The following ZC3H7B variants were observed in gnomAD, a reference collection of about 807,000 sequenced individuals.
ZC3H7B encodes zinc finger CCCH domain-containing protein 7B.
ZC3H7B carries 35 observed loss-of-function variants against 116.0 expected under a neutral mutation model. That is an observed-to-expected ratio of 0.30 (90% CI 0.23 to 0.40). The LOEUF (loss-of-function observed/expected upper bound fraction) is 0.40, where lower values mean the gene tolerates loss of function less well. Among genes scored for constraint, ZC3H7B ranks in the 10% least tolerant of loss-of-function variants. The pLI is 1.00. For missense variants in ZC3H7B, 1,011 were observed against 1,321.5 expected, an observed-to-expected ratio of 0.77 and a Z score of 3.64; for synonymous variants, 502 against 545.6, an observed-to-expected ratio of 0.92 and a Z score of 1.11.
At position 41,349,251 on chromosome 22, in the gene ZC3H7B, TCGCCCACAG is replaced by T; in HGVS notation, c.1900_1908del (p.Ala634_Ser636del). On this transcript the variant is annotated inframe_deletion, in exon 16 of 23. Transcript: ENST00000352645. The surrounding 1 kb of genome is among the most constrained non-coding windows in gnomAD (Gnocchi z 4.9). ...TGCCTGCGGGAGGACAGCTGCCACTTCGCCCACAGCTTCATCGAGCTCAAGGTCTGGCTG... is the reference window on the plus strand; with the variant it reads ...TGCCTGCGGGAGGACAGCTGCCACTTCTTCATCGAGCTCAAGGTCTGGCTG... The T allele has an allele frequency of 6.2e-7, 1 of 1,613,750 alleles. No homozygotes were observed. The highest frequency in any genetic ancestry group is 1.1e-5 in the South Asian group (1 of 91,084).
At chr22:41,320,812 CT>C (rs1395852061) in intron 2 of ZC3H7B, 99 bp downstream of exon 2, 1 of 1,540,798 alleles carries the variant, frequency 6.5e-7, no homozygotes, top group Non-Finnish European at 8.9e-7. Flanking sequence ...GCTGCTGAGC[CT>C]TTGCTGCCAA....
rs12169443 is a variant in ZC3H7B, at chr22:41,358,024, A to G, written c.*595A>G. On this transcript the variant is annotated 3_prime_UTR_variant, in exon 23 of 23. Transcript: ENST00000352645. ...TGATCTTTGGAGCTTAAGGAGTCCC[A>G]GCCCTTTCTCTGATGCCACCACCTG... is the stretch of plus-strand genomic sequence containing the variant. The G allele has an allele frequency of 0.062, 9,580 of 155,416 alleles. 1,021 individuals are homozygous for G. The highest frequency in any genetic ancestry group is 0.22 in the African/African-American group (9,122 of 41,502). The allele number at this position is 155,416 out of a possible 1,614,324, so 9.6% of individuals were successfully genotyped here.
rs373667943 is a variant in ZC3H7B, at chr22:41,356,402, G to A, written c.2443G>A (p.Gly815Arg). 3 of 1,614,062 alleles carry A rather than the reference G, an allele frequency of 1.9e-6. No homozygotes were observed. Among genetic ancestry groups the A allele is most frequent in the South Asian group, 2.2e-5 (2 of 91,082 alleles). ...GAAAAAACACAACCCAGGAAAGCCT[G>A]GAGAAGGGACCCCCATCAGTTCTCG... Reference protein sequence around the residue: ...WLKKHNPGKPGEGTPISSREG... With the variant: ...WLKKHNPGKPREGTPISSREG... Residue 815 changes from glycine (G) to arginine (R), a missense_variant, in exon 21 of 23, where the codon GGA (glycine) becomes AGA (arginine). By Grantham distance (125) the Gly-to-Arg change is moderately radical. Coordinates refer to ENST00000352645, the MANE Select transcript of ZC3H7B (RefSeq NM_017590.6).
chr22:41,306,460 G>A (rs541705621), intron 1 of ZC3H7B, among the ~76,000 whole-genome samples: 3 of 146,644 alleles, frequency 2.0e-5, no homozygotes, highest in Non-Finnish European at 3.0e-5. Context: ...TGCAACCTCC[G>A]CCTCCCGGGT....
At chr22:41,318,557 G>A (rs2089696844) in intron 1 of ZC3H7B, among the ~76,000 whole-genome samples, 1 of 147,550 alleles carries the variant, frequency 6.8e-6, no homozygotes, top group Non-Finnish European at 1.5e-5. Flanking sequence ...AGACCAGCCT[G>A]GGCAACATAG....
In ZC3H7B at chr22:41,302,612, C is replaced by G. The variant is rs967441658; in HGVS notation, c.-7+840C>G. Among the ~76,000 whole-genome samples, 6 of 152,226 alleles carry G rather than the reference C, an allele frequency of 3.9e-5. No individual in the cohort carries two copies. The highest frequency in any genetic ancestry group is 1.2e-4 in the African/African-American group (5 of 41,470). The stretch of plus-strand genomic sequence containing the variant: ...TGCCCGCTGCGAACCTCAGGGCCCC[C>G]CTCCGGGTTTGCTCCCTCCTCCTTT... On this transcript the variant is annotated intron_variant, in intron 1 of 22. Transcript: ENST00000352645. This position sits in a 1 kb window ranked among gnomAD's most constrained non-coding sequence, Gnocchi z 5.7.
chr22:41,326,070 T>C (rs878887282), intron 4 of ZC3H7B, 152 bp downstream of exon 4: 3 of 926,252 alleles, frequency 3.2e-6, no homozygotes, highest in Admixed American at 5.5e-5. Flanking sequence ...CTCGTGGCTC[T>C]TAATCTCAAC....
rs141529622 is a variant in ZC3H7B at position 41,332,566 on chromosome 22, C to T, written c.582+339C>T. 279 of 277,694 alleles carry T rather than the reference C, an allele frequency of 1.0e-3. 3 individuals are homozygous for T. Among genetic ancestry groups the T allele is most frequent in the African/African-American group, 5.8e-3 (264 of 45,840 alleles). The allele number at this position is 277,694 out of a possible 1,614,324, so 17.2% of individuals were successfully genotyped here. A position where few individuals can be genotyped will look rare whatever the true frequency, so the allele number is the denominator to read the frequency against. On this transcript the variant is annotated intron_variant, in intron 7 of 22. Coordinates refer to ENST00000352645, the MANE Select transcript of ZC3H7B (RefSeq NM_017590.6). ...TCACCAGCCTTTCTGCAGGTTCAGG[C>T]CCCTGGGCCTCAAATGTCTTCCTCT...
At chr22:41,341,270 G>T (rs1374600382) in intron 11 of ZC3H7B, 124 bp downstream of exon 11, 2 of 1,155,106 alleles carry the variant, frequency 1.7e-6, no homozygotes, top group Admixed American at 2.2e-5. Flanking sequence ...GGCACTCCCA[G>T]AGTGGATGGA....
intron 7 of ZC3H7B, among the ~76,000 whole-genome samples, chr22:41,337,868 CTT>C (rs1350031585): frequency 4.3e-4 from 58 of 136,264 alleles, no homozygotes; most frequent in Non-Finnish European, 4.2e-4. Flanking sequence ...CGTGTGAGGG[CTT>C]TTTTTTTTTT....
intron 20 of ZC3H7B, 39 bp from the exon 21 acceptor site, chr22:41,356,304 A>C (rs2036716342): frequency 6.2e-7 from 1 of 1,611,808 alleles, no homozygotes. Flanking sequence ...TGGATGGAGA[A>C]GCCCCTCAGC....
chr22:41,326,628 T>C (rs1174812426), intron 4 of ZC3H7B, among the ~76,000 whole-genome samples: 2 of 152,094 alleles, frequency 1.3e-5, no homozygotes. Flanking sequence ...CTCCTCCTCC[T>C]CTCCTCCTTA....
rs2036650755 is a variant in ZC3H7B, at chr22:41,351,244, C to T, written c.1949-317C>T. 1.3e-5 allele frequency among the ~76,000 whole-genome samples: 2 copies of T among 152,180 alleles called. No individual in the cohort carries two copies. Among genetic ancestry groups the T allele is most frequent in the Non-Finnish European group, 2.9e-5 (2 of 68,028 alleles). ...GGGTCAGGGAAGGGTGCTGAGTCAC[C>T]GGCCCAAGAGACAGGGTCACTGGCA... On this transcript the variant is annotated intron_variant, in intron 16 of 22. Coordinates refer to ENST00000352645, the MANE Select transcript of ZC3H7B (RefSeq NM_017590.6). The surrounding 1 kb of genome is among the most constrained non-coding windows in gnomAD (Gnocchi z 5.1).
At chr22:41,304,983 G>A (rs1042899978) in intron 1 of ZC3H7B, among the ~76,000 whole-genome samples, 5 of 152,124 alleles carry the variant, frequency 3.3e-5, no homozygotes, top group African/African-American at 7.2e-5. Context: ...AAGCCAAGGC[G>A]AGCTGATCAC....
chr22:41,321,829 C>CTTTTTTTTTTTTTTTTTT (rs199611879), intron 2 of ZC3H7B, among the ~76,000 whole-genome samples: 1 of 90,976 alleles, frequency 1.1e-5, no homozygotes, highest in African/African-American at 5.7e-5. Context: ...AACTCACATT[C>CTTTTTTTTTTTTTTTTTT]TTTTTTTTTT....
intron 14 of ZC3H7B, among the ~76,000 whole-genome samples, chr22:41,347,670 C>T (rs551281738): frequency 6.6e-6 from 1 of 152,224 alleles, no homozygotes; most frequent in Non-Finnish European, 1.5e-5. Flanking sequence ...AGCCCTTCCC[C>T]TAGCTCTTCC....
intron 17 of ZC3H7B, among the ~76,000 whole-genome samples, chr22:41,352,863 A>G (rs1010797809): frequency 6.6e-6 from 1 of 151,768 alleles, no homozygotes; most frequent in African/African-American, 2.4e-5. Flanking sequence ...GGATCACCTG[A>G]GGTCAGGAGT....
chr22:41,351,621 A>G lies in ZC3H7B; in HGVS notation c.2009A>G (p.His670Arg), dbSNP rs2036655059. ...SKKYWQQMEA[H>R]AGKASSSMGA... ...AAGTACTGGCAGCAGATGGAGGCGC[A>G]TGCGGGGAAGGCCAGCAGCAGCATG... The change falls in exon 17 of 23, where the codon CAT becomes CGT. Residue 670 changes from histidine (H) to arginine (R), a missense_variant. Coordinates refer to ENST00000352645, the MANE Select transcript of ZC3H7B (RefSeq NM_017590.6). The surrounding 1 kb of genome is among the most constrained non-coding windows in gnomAD (Gnocchi z 5.1). The G allele has an allele frequency of 3.7e-6, 6 of 1,613,992 alleles. No homozygotes were observed. Among genetic ancestry groups the G allele is most frequent in the Non-Finnish European group, 5.1e-6 (6 of 1,179,950 alleles).
At position 41,356,871 on chromosome 22, in the gene ZC3H7B, C is replaced by T. The variant is rs142771758; in HGVS notation, c.2681+63C>T. 245 of 1,600,562 alleles carry T rather than the reference C, an allele frequency of 1.5e-4. 1 individual carries two copies. In the East Asian group the frequency reaches 5.4e-3, roughly 35 times the overall value. On this transcript the variant is annotated intron_variant, in intron 22 of 22. Transcript: ENST00000352645. Reference sequence around the variant, plus strand: ...TGGCCCGAGGAGATGGAGTCCGTGGCCAGCTCTGGCTCCTCTTGGCCTGGA... The same window carrying T: ...TGGCCCGAGGAGATGGAGTCCGTGGTCAGCTCTGGCTCCTCTTGGCCTGGA...
Sources: gnomAD v4.1 joint callset for allele counts (sites outside exome capture counted in the v4.1 genomes callset) on GRCh38, gnomAD v4.1.1 for gene constraint, Gnocchi (gnomAD v3.1) non-coding constraint, MANE v1.5 for transcripts, NCBI Gene and HGNC (gene_info 2026-07-23, HGNC 2026-07-21) for gene names.